Variants in STXBP4 observed in about 807,000 individuals in gnomAD.
The protein encoded by STXBP4 is syntaxin binding protein 4.
Under a neutral mutation model 76.1 loss-of-function variants are expected in STXBP4, and 55 were observed. The ratio of observed to expected loss-of-function variants is 0.72; its 90% CI spans 0.58 to 0.91. The LOEUF is 0.91. STXBP4 is among the 40% of genes least tolerant of loss of function. The pLI is 0.00. For missense variants in STXBP4, 618 were observed against 636.9 expected (o/e 0.97, Z 0.32); for synonymous variants, 201 against 220.2 (o/e 0.91, Z 0.77).
chr17:54,968,891 A>C, intron 1 of STXBP4, 76 bp downstream of exon 1: 1 of 436,954 alleles, frequency 2.3e-6, no homozygotes, highest in Admixed American at 3.6e-5. Context: ...ATTTAGGAAA[A>C]TGCGTTTCGC....
intron 16 of STXBP4, among the ~76,000 whole-genome samples, chr17:55,106,701 A>T (rs887494974): frequency 6.6e-6 from 1 of 152,118 alleles, no homozygotes; most frequent in African/African-American, 2.4e-5. Flanking sequence ...AAAGGATTTT[A>T]TTTCTTCTTC....
the STXBP4 span, among the ~76,000 whole-genome samples, chr17:55,208,771 A>G: frequency 6.6e-6 from 1 of 152,182 alleles, no homozygotes; most frequent in Non-Finnish European, 1.5e-5. Context: ...TTGTGTAAAC[A>G]AGTTTCAGTT....
At chr17:55,000,643 A>G (rs2077895762) in intron 6 of STXBP4, among the ~76,000 whole-genome samples, 165 bp from the exon 7 acceptor site, 1 of 152,148 alleles carries the variant, frequency 6.6e-6, no homozygotes, top group Non-Finnish European at 1.5e-5. Flanking sequence ...TGTTACCTTT[A>G]ATTCTGAATT....
chr17:55,001,285 G>A (rs1010046857), intron 7 of STXBP4, among the ~76,000 whole-genome samples: 31 of 152,038 alleles, frequency 2.0e-4, no homozygotes, highest in African/African-American at 7.0e-4. Flanking sequence ...GAAAAGAAAT[G>A]TATCTTGTTT....
At chr17:55,120,157 G>A (rs536500413) in intron 16 of STXBP4, among the ~76,000 whole-genome samples, 17 of 152,276 alleles carry the variant, frequency 1.1e-4, no homozygotes, top group African/African-American at 3.8e-4. Context: ...GATGCTTAGA[G>A]GACATGAGAA....
In STXBP4 at chr17:55,072,940, G is replaced by T. The variant is rs550709166; in HGVS notation, c.1052G>T (p.Ser351Ile). Residue 351 changes from serine to isoleucine, a missense_variant, in exon 13 of 18, where the codon AGT (serine) becomes ATT (isoleucine). Physicochemically the swap from Ser to Ile is moderately radical, Grantham distance 142. Transcript: ENST00000376352. ...AVVEETRALR[S>I]RIHLAEAAQR... Reference sequence around the variant, plus strand: ...GTTGAAGAAACAAGAGCCCTGCGTAGTCGGATTCATCTTGCTGAAGCTGCT... The same window carrying T: ...GTTGAAGAAACAAGAGCCCTGCGTATTCGGATTCATCTTGCTGAAGCTGCT... The T allele has an allele frequency of 8.7e-6, 14 of 1,613,682 alleles. No homozygotes were observed. The East Asian group carries it at 2.7e-4, about 31-fold the overall frequency.
At chr17:55,074,184 A>G (rs965219198) in intron 13 of STXBP4, among the ~76,000 whole-genome samples, 2 of 152,218 alleles carry the variant, frequency 1.3e-5, no homozygotes, top group Non-Finnish European at 2.9e-5. Context: ...TAAAAAGTTA[A>G]ATACTTTAAA....
the STXBP4 span, among the ~76,000 whole-genome samples, chr17:55,188,232 G>T: frequency 6.6e-6 from 1 of 152,212 alleles, no homozygotes; most frequent in Non-Finnish European, 1.5e-5. Context: ...GTCAGCACTG[G>T]ATTAATGAAG....
chr17:55,056,660 C>T (rs1285927482), intron 12 of STXBP4, among the ~76,000 whole-genome samples: 3 of 152,092 alleles, frequency 2.0e-5, no homozygotes, highest in African/African-American at 7.2e-5. Context: ...TATGATCATG[C>T]CGCTGCACTC....
chr17:54,985,731 A>G (rs1048627351), intron 2 of STXBP4, 40 bp downstream of exon 2: 2 of 152,590 alleles, frequency 1.3e-5, no homozygotes, highest in African/African-American at 4.8e-5. Context: ...AATGCATTGC[A>G]TAATTATTTT....
At chr17:55,155,648 C>G (rs2080268924) in intron 17 of STXBP4, among the ~76,000 whole-genome samples, 1 of 151,826 alleles carries the variant, frequency 6.6e-6, no homozygotes, top group African/African-American at 2.4e-5. Flanking sequence ...GGAAGATTAA[C>G]AAAAGAATGT....
At chr17:55,183,574 G>T in the STXBP4 span, among the ~76,000 whole-genome samples, 1 of 152,164 alleles carries the variant, frequency 6.6e-6, no homozygotes, top group Non-Finnish European at 1.5e-5. Context: ...TCAATTGTAG[G>T]CAAAGATTGT....
the STXBP4 span, among the ~76,000 whole-genome samples, chr17:55,198,483 A>G: frequency 3.3e-5 from 5 of 152,336 alleles, no homozygotes; most frequent in East Asian, 1.9e-4. Flanking sequence ...CTTTAAAAAA[A>G]AAGTTTTATT....
intron 16 of STXBP4, among the ~76,000 whole-genome samples, chr17:55,111,444 A>G (rs2079714068): frequency 6.6e-6 from 1 of 152,150 alleles, no homozygotes; most frequent in South Asian, 2.1e-4. Context: ...CCCAGATCTC[A>G]TGTTGAAATG....
At chr17:55,122,984 A>G (rs929613957) in intron 16 of STXBP4, among the ~76,000 whole-genome samples, 5 of 152,190 alleles carry the variant, frequency 3.3e-5, no homozygotes, top group Non-Finnish European at 7.3e-5. Flanking sequence ...AGATTTTGCT[A>G]ATTCCTCCTT....
At chr17:55,054,322 A>T (rs2144792079) in intron 12 of STXBP4, among the ~76,000 whole-genome samples, 1 of 152,254 alleles carries the variant, frequency 6.6e-6, no homozygotes, top group South Asian at 2.1e-4. Flanking sequence ...CCCCATCTCT[A>T]CTAAAAATAC....
intron 16 of STXBP4, among the ~76,000 whole-genome samples, chr17:55,131,157 T>C (rs1391099732): frequency 6.6e-6 from 1 of 152,232 alleles, no homozygotes; most frequent in Non-Finnish European, 1.5e-5. Flanking sequence ...GATTCTTTTT[T>C]CTCTGCATTC....
chr17:55,201,234 A>G, the STXBP4 span, among the ~76,000 whole-genome samples: 1 of 152,224 alleles, frequency 6.6e-6, no homozygotes, highest in African/African-American at 2.4e-5. Context: ...TCGCAAGTGC[A>G]ATGTTAAAGT....
chr17:54,995,368 G>A (rs1473994676), intron 4 of STXBP4, among the ~76,000 whole-genome samples: 1 of 152,116 alleles, frequency 6.6e-6, no homozygotes, highest in Non-Finnish European at 1.5e-5. Context: ...TGGTAACATA[G>A]GGAAAGCAGA....
Sources: gnomAD v4.1 joint callset for allele counts (sites outside exome capture counted in the v4.1 genomes callset) on GRCh38, gnomAD v4.1.1 for gene constraint, MANE v1.5 for transcripts, NCBI Gene and HGNC (gene_info 2026-07-23, HGNC 2026-07-21) for gene names.